DPP3: variants seen among roughly 807,000 people sequenced by gnomAD.
DPP3 encodes DPP III.
DPP3 carries 64 observed loss-of-function variants against 89.8 expected under a neutral mutation model. The observed-to-expected ratio is 0.71, with a 90% CI of 0.58 to 0.88. The LOEUF (loss-of-function observed/expected upper bound fraction) is 0.88. Ranked by LOEUF, DPP3 falls within the 40% of genes least tolerant of loss-of-function variation. DPP3 has a pLI of 0.00. For synonymous variants in DPP3, 377 were observed against 404.3 expected (o/e 0.93, Z 0.81); for missense variants, 835 against 972.5 (o/e 0.86, Z 1.88).
At chr11:66,493,400 A>G in intron 11 of DPP3, 141 bp from the exon 12 acceptor site, 1 of 901,980 alleles carries the variant, frequency 1.1e-6, no homozygotes, top group Non-Finnish European at 1.7e-6. Context: ...CAAGGATGAA[A>G]TGGGCTGTGG....
intron 2 of DPP3, 132 bp downstream of exon 2, chr11:66,482,602 T>C: frequency 7.6e-7 from 1 of 1,320,228 alleles, no homozygotes; most frequent in Non-Finnish European, 1.0e-6. Context: ...GCACTTCCCC[T>C]CTCTGGAGCC....
At chr11:66,486,952 G>T (rs1008418318) in intron 4 of DPP3, among the ~76,000 whole-genome samples, 3 of 152,178 alleles carry the variant, frequency 2.0e-5, no homozygotes, top group African/African-American at 7.2e-5. Context: ...GAGGTGGAGG[G>T]AGCTGAGGAG....
At chr11:66,492,110 G>A (rs1281808025) in intron 9 of DPP3, among the ~76,000 whole-genome samples, 6 of 152,306 alleles carry the variant, frequency 3.9e-5, no homozygotes, top group Non-Finnish European at 7.3e-5. Flanking sequence ...TGCCTCCCAA[G>A]CCCAGCTTTA....
rs761761489 is a variant in DPP3 at position 66,491,423 on chromosome 11, C to A, written c.798+40C>A. The A allele has an allele frequency of 2.5e-6, 4 of 1,605,020 alleles. No individual in the cohort carries two copies. The Admixed American group carries it at 6.8e-5, about 27-fold the overall frequency. On this transcript the variant is annotated intron_variant, in intron 7 of 17. Transcript: ENST00000531863. ...GGGCTGAGGGGTGCGGGCTGAGGAC[C>A]CCTCTGGGCAGCAGAGCGGGTGTGG...
chr11:66,508,784 C>A (rs1855867713), intron 17 of DPP3, among the ~76,000 whole-genome samples: 1 of 152,128 alleles, frequency 6.6e-6, no homozygotes, highest in Non-Finnish European at 1.5e-5. Context: ...CTCAGCCTAC[C>A]AAGGTGCTAG....
chr11:66,490,524 C>T (rs1265280855), intron 6 of DPP3, among the ~76,000 whole-genome samples: 1 of 152,232 alleles, frequency 6.6e-6, no homozygotes, highest in East Asian at 1.9e-4. Context: ...CAGTCACCCT[C>T]TTGTCTCCCC....
At chr11:66,484,675 TC>T (rs1855173849) in intron 2 of DPP3, among the ~76,000 whole-genome samples, 1 of 85,074 alleles carries the variant, frequency 1.2e-5, no homozygotes, top group African/African-American at 4.3e-5. Flanking sequence ...CACCCCACCC[TC>T]CCACCCACAA....
In DPP3 at chr11:66,482,487, C is replaced by T. The variant is rs1855116025; in HGVS notation, c.270+17C>T. On this transcript the variant is annotated intron_variant, in intron 2 of 17. Transcript: ENST00000531863. The stretch of plus-strand genomic sequence containing the variant: ...GAGTATCAGGTCAGTTCTCTTGGGC[C>T]AACCCACATTACCTGAGTGGCTTCT... 1.3e-6 allele frequency: 2 copies of T among 1,597,294 alleles called. No homozygotes were observed. The highest frequency in any genetic ancestry group is 1.7e-6 in the Non-Finnish European group (2 of 1,176,078).
At position 66,505,828 on chromosome 11, in the gene DPP3, AAAG is replaced by A. The variant is rs535353722; in HGVS notation, c.2041+1055_2041+1057del. On this transcript the variant is annotated intron_variant, in intron 17 of 17. Transcript: ENST00000531863. Reference sequence around the variant, plus strand: ...ACTCTTTAAAAAAAAAAAAAAAAAAAAAGCATTGTCCTGGGCAGTTGTGAGGGT... The same window carrying A: ...ACTCTTTAAAAAAAAAAAAAAAAAAACATTGTCCTGGGCAGTTGTGAGGGT... 3.0e-4 allele frequency among the ~76,000 whole-genome samples: 46 copies of A among 152,166 alleles called. 2 individuals carry two copies. The South Asian group carries it at 9.3e-3, about 31-fold the overall frequency.
chr11:66,496,478 C>T (rs2134739482), intron 15 of DPP3, among the ~76,000 whole-genome samples: 1 of 151,722 alleles, frequency 6.6e-6, no homozygotes, highest in East Asian at 1.9e-4. Context: ...GCAGTGGCAC[C>T]ATCTTGGCTC....
intron 2 of DPP3, among the ~76,000 whole-genome samples, chr11:66,484,731 C>T (rs1483179062): frequency 3.4e-5 from 5 of 148,028 alleles, no homozygotes; most frequent in Non-Finnish European, 7.4e-5. Context: ...CTGGGGCCAG[C>T]AGAAGCCATA....
At position 66,509,491 on chromosome 11, in the gene DPP3, C is replaced by T; in HGVS notation, c.*240C>T. 7.6e-7 allele frequency: 1 copy of T among 1,315,120 alleles called. No individual in the cohort carries two copies. The highest frequency in any genetic ancestry group is 2.0e-5 in the Admixed American group (1 of 50,728). The allele number at this position is 1,315,120 out of a possible 1,614,324, so 81.5% of individuals were successfully genotyped here. On this transcript the variant is annotated 3_prime_UTR_variant, in exon 18 of 18. Transcript: ENST00000531863. ...CATACGTGGAGTGAGCAAGACAGGG[C>T]TTACCATCCTGTCTACCAGATGAGG...
intron 1 of DPP3, 45 bp from the exon 2 acceptor site, chr11:66,482,148 T>G (rs1466780012): frequency 1.9e-6 from 3 of 1,600,702 alleles, no homozygotes; most frequent in Non-Finnish European, 2.6e-6. Context: ...GGTATGCAAT[T>G]GGTATGGGGT....
intron 1 of DPP3, among the ~76,000 whole-genome samples, chr11:66,481,620 C>T (rs1370951825): frequency 2.6e-5 from 4 of 152,084 alleles, no homozygotes; most frequent in African/African-American, 9.7e-5. Context: ...TCAGTTTCCC[C>T]ATCTGTAATA....
chr11:66,481,573 T>C (rs1220820663), intron 1 of DPP3, among the ~76,000 whole-genome samples: 3 of 152,144 alleles, frequency 2.0e-5, no homozygotes, highest in Admixed American at 6.5e-5. Flanking sequence ...GATGTCTCCA[T>C]TGTGGGATTA....
intron 9 of DPP3, among the ~76,000 whole-genome samples, chr11:66,492,060 C>T (rs1354606142): frequency 1.3e-5 from 2 of 152,204 alleles, no homozygotes; most frequent in Non-Finnish European, 2.9e-5. Context: ...GCTGTGCTGC[C>T]TCTGGTGTCT....
At chr11:66,497,603 A>C in intron 16 of DPP3, 126 bp downstream of exon 16, 14 of 1,330,318 alleles carry the variant, frequency 1.1e-5, no homozygotes, top group Non-Finnish European at 1.4e-5. Context: ...TAGCCAGTAA[A>C]CATGTAAGCG....
chr11:66,493,225 C>A, intron 11 of DPP3, 46 bp downstream of exon 11: 2 of 1,519,072 alleles, frequency 1.3e-6, no homozygotes, highest in Non-Finnish European at 1.8e-6. Flanking sequence ...TCACCTTCCT[C>A]AGCAGACTCA....
chr11:66,495,671 A>G lies in DPP3; in HGVS notation c.1619A>G (p.Tyr540Cys). Reference protein sequence around the residue: ...FEGADAEDVIYVNWLNMVRAG... With the variant: ...FEGADAEDVICVNWLNMVRAG... ...GGGGCTGATGCGGAGGACGTGATCT[A>G]CGTGAACTGGCTCAACATGGTTCGG... The change falls in exon 15 of 18, where the codon TAC (tyrosine) becomes TGC (cysteine). Residue 540 changes from tyrosine to cysteine, a missense_variant. By Grantham distance (194) the Tyr-to-Cys change is radical. Transcript: ENST00000531863. 2 of 1,614,106 alleles carry G rather than the reference A, an allele frequency of 1.2e-6. No homozygotes were observed. The highest frequency in any genetic ancestry group is 1.7e-6 in the Non-Finnish European group (2 of 1,180,004).
Sources: gnomAD v4.1 joint callset for allele counts (sites outside exome capture counted in the v4.1 genomes callset) on GRCh38, gnomAD v4.1.1 for gene constraint, MANE v1.5 for transcripts, NCBI Gene and HGNC (gene_info 2026-07-23, HGNC 2026-07-21) for gene names.